The following IQGAP2 variants were observed in gnomAD, a reference collection of about 807,000 sequenced individuals.
IQGAP2 encodes IQ motif containing GTPase activating protein 2.
A neutral mutation model predicts 201.3 loss-of-function variants in IQGAP2; 173 were observed. The ratio of observed to expected loss-of-function variants is 0.86; its 90% CI spans 0.76 to 0.98. The LOEUF (loss-of-function observed/expected upper bound fraction) is 0.98. Ranked by LOEUF, IQGAP2 falls within the 50% of genes least tolerant of loss-of-function variation. The probability of loss-of-function intolerance (pLI) is 0.00; values close to 1 mark genes in which losing one functional copy is unlikely to be tolerated. For missense variants in IQGAP2, 1,687 were observed against 1,864.8 expected (o/e 0.90, Z 1.76); for synonymous variants, 675 against 673.9 (o/e 1.00, Z -0.03).
Position 76,590,439 on chromosome 5 carries a change from A to G in IQGAP2, c.672A>G (p.Ala224=). Residue 224 remains alanine (A), a synonymous_variant, in exon 8 of 36, where the codon GCA becomes GCG. Transcript: ENST00000274364. ...CTGCAGTTATAGCCATTAATGAAGC[A>G]GTTGAAAAAGGAATAGCAGAGCAAA... ...LHAAVIAINE[A]VEKGIAEQTV... is the part of the protein sequence containing the mutation. 6.2e-7 allele frequency: 1 copy of G among 1,609,486 alleles called. No homozygotes were observed. Among genetic ancestry groups the G allele is most frequent in the Non-Finnish European group, 8.5e-7 (1 of 1,178,372 alleles).
intron 2 of IQGAP2, among the ~76,000 whole-genome samples, chr5:76,483,803 C>T (rs1284543894): frequency 1.3e-5 from 2 of 152,180 alleles, no homozygotes; most frequent in Non-Finnish European, 2.9e-5. Flanking sequence ...CTTTCCATCC[C>T]CACCCCATGC....
At chr5:76,624,826 C>T (rs563199780) in intron 13 of IQGAP2, among the ~76,000 whole-genome samples, 10 of 152,296 alleles carry the variant, frequency 6.6e-5, no homozygotes, top group Admixed American at 2.0e-4. Context: ...GTAATCCCAG[C>T]ACTTTGTAAG....
intron 21 of IQGAP2, among the ~76,000 whole-genome samples, chr5:76,662,300 G>A (rs886906887): frequency 2.0e-5 from 3 of 152,134 alleles, no homozygotes; most frequent in East Asian, 1.9e-4. Flanking sequence ...CATTGCCTCC[G>A]TTGCTTCCCT....
chr5:76,441,004 C>A (rs1184655112), intron 1 of IQGAP2, among the ~76,000 whole-genome samples: 1 of 148,392 alleles, frequency 6.7e-6, no homozygotes, highest in Admixed American at 6.8e-5. Flanking sequence ...GCACTTCAGC[C>A]TGGGCAACAT....
intron 2 of IQGAP2, among the ~76,000 whole-genome samples, chr5:76,504,826 A>G (rs770606374): frequency 5.9e-5 from 9 of 152,092 alleles, no homozygotes; most frequent in Non-Finnish European, 1.3e-4. Context: ...AGTACATTTT[A>G]TCAGTTTAGA....
At chr5:76,438,567 C>G (rs56295750) in intron 1 of IQGAP2, among the ~76,000 whole-genome samples, 1,865 of 152,174 alleles carry the variant, frequency 0.012, 34 homozygotes, top group Admixed American at 0.037. Flanking sequence ...TTCAGCCTCC[C>G]GAGCAGCTGG....
intron 2 of IQGAP2, among the ~76,000 whole-genome samples, chr5:76,488,982 G>A (rs914163502): frequency 7.2e-5 from 11 of 152,180 alleles, no homozygotes; most frequent in Non-Finnish European, 4.4e-5. Context: ...CCTTCAGGTA[G>A]GAGGTTCAGT....
chr5:76,472,674 A>G (rs1755178049), intron 2 of IQGAP2, among the ~76,000 whole-genome samples: 1 of 152,216 alleles, frequency 6.6e-6, no homozygotes, highest in African/African-American at 2.4e-5. Flanking sequence ...CTTTGGATGT[A>G]TGTTGGACAG....
chr5:76,570,467 G>A, intron 3 of IQGAP2, 113 bp from the exon 4 acceptor site: 2 of 743,740 alleles, frequency 2.7e-6, no homozygotes, highest in South Asian at 1.6e-5. Context: ...TAATAACTCT[G>A]TTCCAGGAGA....
chr5:76,654,299 C>A (rs369745220), intron 19 of IQGAP2, 28 bp downstream of exon 19: 7 of 1,453,774 alleles, frequency 4.8e-6, no homozygotes, highest in Non-Finnish European at 6.7e-6. Flanking sequence ...GGGATTTTAT[C>A]CAGGTTGATA....
rs1580788899 is a variant in IQGAP2, at chr5:76,674,640, T to G, written c.3458T>G (p.Leu1153Arg). ...CTTCAGCACGCAGCCTCCAACAAGC[T>G]GTTTGAAGGAGAAAATGAGCATCTC... ...KVLQHAASNK[L>R]FEGENEHLSS... The change falls in exon 27 of 36, where the codon CTG becomes CGG. Residue 1153 changes from leucine (L) to arginine (R), a missense_variant. Transcript: ENST00000274364. 6.2e-7 allele frequency: 1 copy of G among 1,614,168 alleles called. No individual in the cohort carries two copies. The highest frequency in any genetic ancestry group is 2.2e-5 in the East Asian group (1 of 44,876).
chr5:76,436,523 T>TA (rs1752712454), intron 1 of IQGAP2, among the ~76,000 whole-genome samples: 1 of 26,794 alleles, frequency 3.7e-5, no homozygotes, highest in African/African-American at 1.7e-4. Context: ...ATATATTTTT[T>TA]TTTTTTTTTT....
intron 1 of IQGAP2, among the ~76,000 whole-genome samples, chr5:76,453,269 A>G (rs369288578): frequency 2.6e-5 from 4 of 152,282 alleles, no homozygotes; most frequent in African/African-American, 9.6e-5. Flanking sequence ...TATGCAAAAT[A>G]TGTGATGTAG....
Position 76,551,860 on chromosome 5 carries a change from A to G in IQGAP2, c.147-10536A>G, listed in dbSNP as rs996973458. Among the ~76,000 whole-genome samples, 21 of 90,956 alleles carry G rather than the reference A, an allele frequency of 2.3e-4. No individual in the cohort carries two copies. In the South Asian group the frequency reaches 3.7e-3, roughly 16 times the overall value. The allele number at this position is 90,956 out of a possible 152,430, so 59.7% of individuals were successfully genotyped here. A position where few individuals can be genotyped will look rare whatever the true frequency, so the allele number is the denominator to read the frequency against. ...GAGACCTTGCAAAGAGGGAGACGGG[A>G]GAGGGAGACGGAGAGGGGGAGGGGG... On this transcript the variant is annotated intron_variant, in intron 2 of 35. Transcript: ENST00000274364.
intron 23 of IQGAP2, 118 bp downstream of exon 23, chr5:76,668,962 A>T (rs1744049846): frequency 1.7e-6 from 1 of 596,086 alleles, no homozygotes; most frequent in Admixed American, 4.0e-5. Flanking sequence ...CACATATTAA[A>T]ATATATCAAG....
At chr5:76,550,947 ACCTC>A (rs1288524616) in intron 2 of IQGAP2, among the ~76,000 whole-genome samples, 1 of 141,548 alleles carries the variant, frequency 7.1e-6, no homozygotes, top group Non-Finnish European at 1.5e-5. Flanking sequence ...GGCGCCCCTC[ACCTC>A]CCTCCCGGAT....
chr5:76,675,770 A>G (rs1240140105), intron 27 of IQGAP2, among the ~76,000 whole-genome samples: 3 of 152,132 alleles, frequency 2.0e-5, no homozygotes, highest in Admixed American at 2.0e-4. Flanking sequence ...ATTCATTTCT[A>G]TTTAGAATTT....
chr5:76,444,752 C>A (rs1753270285), intron 1 of IQGAP2, among the ~76,000 whole-genome samples: 1 of 152,118 alleles, frequency 6.6e-6, no homozygotes, highest in Non-Finnish European at 1.5e-5. Flanking sequence ...GAAGTAAAAT[C>A]CAGAAAAGAT....
At position 76,652,762 on chromosome 5, in the gene IQGAP2, G is replaced by A; in HGVS notation, c.2107G>A (p.Gly703Arg). The change falls in exon 18 of 36, where the codon GGA (glycine) becomes AGA (arginine). Residue 703 changes from glycine to arginine, a missense_variant. By Grantham distance (125) the Gly-to-Arg change is moderately radical. Coordinates refer to ENST00000274364, the MANE Select transcript of IQGAP2 (RefSeq NM_006633.5). The stretch of plus-strand genomic sequence containing the variant: ...CTCTTTTCCTTAGGCTTTTTGGAAA[G>A]GATATAAACAACGGAAGGAGTATAT... ...NVVKIQAFWK[G>R]YKQRKEYMHR... The A allele has an allele frequency of 6.2e-7, 1 of 1,609,482 alleles. No homozygotes were observed. Among genetic ancestry groups the A allele is most frequent in the African/African-American group, 1.3e-5 (1 of 74,926 alleles).
Sources: gnomAD v4.1 joint callset for allele counts (sites outside exome capture counted in the v4.1 genomes callset) on GRCh38, gnomAD v4.1.1 for gene constraint, MANE v1.5 for transcripts, NCBI Gene and HGNC (gene_info 2026-07-23, HGNC 2026-07-21) for gene names.